Variants in PAX7 observed in about 807,000 individuals in gnomAD.
PAX7 encodes the protein paired box 7, also known as paired box protein Pax-7.
Under a neutral mutation model 50.7 loss-of-function variants are expected in PAX7, and 18 were observed. The observed-to-expected ratio is 0.36, with a 90% CI of 0.25 to 0.53. The LOEUF (loss-of-function observed/expected upper bound fraction) is 0.53, where lower values mean the gene tolerates loss of function less well. Ranked by LOEUF, PAX7 falls within the 20% of genes least tolerant of loss-of-function variation. The probability of loss-of-function intolerance (pLI) is 0.93; values close to 1 mark genes in which losing one functional copy is unlikely to be tolerated. For synonymous variants in PAX7, 310 were observed against 290.4 expected (o/e 1.07, Z -0.69); for missense variants, 644 against 702.9 (o/e 0.92, Z 0.95).
At chr1:18,699,783 A>G (rs1298658857) in intron 5 of PAX7, among the ~76,000 whole-genome samples, 2 of 151,844 alleles carry the variant, frequency 1.3e-5, no homozygotes, top group Non-Finnish European at 2.9e-5. Context: ...GGATGGTCTC[A>G]ATCTCCTGAC....
chr1:18,647,245 G>T (rs1421301961), intron 4 of PAX7, among the ~76,000 whole-genome samples: 1 of 152,218 alleles, frequency 6.6e-6, no homozygotes, highest in Non-Finnish European at 1.5e-5. Context: ...TGCCGCCTGG[G>T]CTGGGTTGCT....
chr1:18,659,558 G>A (rs2088571631), intron 4 of PAX7, among the ~76,000 whole-genome samples: 1 of 152,170 alleles, frequency 6.6e-6, no homozygotes, highest in Non-Finnish European at 1.5e-5. Context: ...AGCAGGGCCA[G>A]GGAGGTCATT....
intron 5 of PAX7, among the ~76,000 whole-genome samples, chr1:18,695,415 G>C: frequency 6.6e-6 from 1 of 152,184 alleles, no homozygotes; most frequent in East Asian, 1.9e-4. Flanking sequence ...TGGGCAAAAA[G>C]CTCTGCTGTC....
intron 4 of PAX7, among the ~76,000 whole-genome samples, chr1:18,691,135 ACTCAGCTAATTTTCTTACTTTTTT>A (rs2089063222): frequency 6.6e-6 from 1 of 151,964 alleles, no homozygotes; most frequent in African/African-American, 2.4e-5. Context: ...GCACTTCCAC[ACTCAGCTAATTTTCTTACTTTTTT>A]CTGGAGGTTG....
intron 8 of PAX7, among the ~76,000 whole-genome samples, chr1:18,743,274 C>T (rs866401046): frequency 6.6e-6 from 1 of 152,240 alleles, no homozygotes; most frequent in Non-Finnish European, 1.5e-5. Context: ...CCAGAGCACA[C>T]GTTAAAAGTT....
chr1:18,696,295 G>A (rs1313533849), intron 5 of PAX7, among the ~76,000 whole-genome samples: 1 of 152,124 alleles, frequency 6.6e-6, no homozygotes, highest in African/African-American at 2.4e-5. Context: ...TTGAACTCCT[G>A]ACCTCAGGTG....
At chr1:18,648,694 A>C (rs2088385837) in intron 4 of PAX7, among the ~76,000 whole-genome samples, 1 of 152,102 alleles carries the variant, frequency 6.6e-6, no homozygotes, top group Non-Finnish European at 1.5e-5. Context: ...GCTGGGGAGG[A>C]TAACCCCCAC....
At chr1:18,718,225 A>G (rs1413448259) in intron 7 of PAX7, among the ~76,000 whole-genome samples, 1 of 152,112 alleles carries the variant, frequency 6.6e-6, no homozygotes, top group Non-Finnish European at 1.5e-5. Context: ...CTGGCCAGGG[A>G]TGGAAGGGGT....
At chr1:18,655,503 C>T (rs1282390739) in intron 4 of PAX7, among the ~76,000 whole-genome samples, 1 of 152,300 alleles carries the variant, frequency 6.6e-6, no homozygotes, top group Non-Finnish European at 1.5e-5. Flanking sequence ...CTGAGGGTTG[C>T]TCAGACACCC....
In PAX7 at chr1:18,735,578, C is replaced by T. The variant is rs1031424640; in HGVS notation, c.1156-54C>T. 5.7e-6 allele frequency: 9 copies of T among 1,565,308 alleles called. No individual in the cohort carries two copies. Among genetic ancestry groups the T allele is most frequent in the Admixed American group, 3.5e-5 (2 of 57,210 alleles). The stretch of plus-strand genomic sequence containing the variant: ...AGCCTGGCATTGTGCCCAGTGTGCT[C>T]GTGTCTCTGGGGTCTGTCCGGTGAG... On this transcript the variant is annotated intron_variant, in intron 7 of 8. Transcript: ENST00000420770. The surrounding 1 kb of genome is among the most constrained non-coding windows in gnomAD (Gnocchi z 4.0).
intron 4 of PAX7, among the ~76,000 whole-genome samples, chr1:18,665,055 C>T (rs540460990): frequency 9.8e-5 from 15 of 152,286 alleles, no homozygotes; most frequent in South Asian, 4.1e-4. Flanking sequence ...AGTCTGCTCA[C>T]GTGCAATATA....
intron 7 of PAX7, among the ~76,000 whole-genome samples, chr1:18,722,500 G>T (rs1236792231): frequency 6.6e-6 from 1 of 152,150 alleles, no homozygotes; most frequent in Non-Finnish European, 1.5e-5. Flanking sequence ...GGATTCACAG[G>T]CGCTTTATCC....
At chr1:18,642,386 A>G (rs2088269550) in intron 4 of PAX7, among the ~76,000 whole-genome samples, 1 of 152,200 alleles carries the variant, frequency 6.6e-6, no homozygotes. Flanking sequence ...CCCTGAAAAG[A>G]CAATGCCTGG....
intron 7 of PAX7, among the ~76,000 whole-genome samples, chr1:18,734,982 C>A (rs1021364786): frequency 6.6e-6 from 1 of 152,152 alleles, no homozygotes; most frequent in African/African-American, 2.4e-5. Flanking sequence ...ATTTGCGGAA[C>A]CTGGCCAGGC....
intron 7 of PAX7, among the ~76,000 whole-genome samples, chr1:18,734,029 G>A (rs1281485194): frequency 6.6e-6 from 1 of 152,228 alleles, no homozygotes; most frequent in Non-Finnish European, 1.5e-5. Context: ...AAACGGAGGA[G>A]CTCGCTGTCT....
At chr1:18,638,184 G>A (rs1362622356) in intron 4 of PAX7, among the ~76,000 whole-genome samples, 2 of 152,228 alleles carry the variant, frequency 1.3e-5, no homozygotes, top group East Asian at 1.9e-4. Flanking sequence ...TTGCACGCAG[G>A]GAGTATATCC....
At chr1:18,712,234 C>T (rs1012933603) in intron 7 of PAX7, among the ~76,000 whole-genome samples, 15 of 152,274 alleles carry the variant, frequency 9.9e-5, no homozygotes, top group African/African-American at 3.6e-4. Context: ...GAGACAGACC[C>T]GGCCAAGACC....
Position 18,648,845 on chromosome 1 carries a change from C to T in PAX7, c.586+12474C>T, listed in dbSNP as rs369458221. The stretch of plus-strand genomic sequence containing the variant: ...GTACCGGAAGATGTGGAGATACCAG[C>T]TAGGAGGTCAAGGCTGTGGGAAAGG... On this transcript the variant is annotated intron_variant, in intron 4 of 8. Coordinates refer to ENST00000420770, the MANE Select transcript of PAX7 (RefSeq NM_001135254.2). Among the ~76,000 whole-genome samples, 13 of 152,162 alleles carry T rather than the reference C, an allele frequency of 8.5e-5. No homozygotes were observed. The East Asian group carries it at 1.2e-3, about 14-fold the overall frequency.
chr1:18,654,754 T>C (rs2088487437), intron 4 of PAX7, among the ~76,000 whole-genome samples: 1 of 152,232 alleles, frequency 6.6e-6, no homozygotes, highest in Admixed American at 6.5e-5. Context: ...TAGACACAGC[T>C]CCTTTAATCA....
Sources: gnomAD v4.1 joint callset for allele counts (sites outside exome capture counted in the v4.1 genomes callset) on GRCh38, gnomAD v4.1.1 for gene constraint, Gnocchi (gnomAD v3.1) non-coding constraint, MANE v1.5 for transcripts, NCBI Gene and HGNC (gene_info 2026-07-23, HGNC 2026-07-21) for gene names.